The following FAM204A variants were observed in gnomAD, a reference collection of about 807,000 sequenced individuals.
The protein encoded by FAM204A is protein FAM204A.
Under a neutral mutation model 35.4 loss-of-function variants are expected in FAM204A, and 16 were observed. The ratio of observed to expected loss-of-function variants is 0.45; its 90% CI spans 0.31 to 0.69. FAM204A has a LOEUF of 0.69. Ranked by LOEUF, FAM204A falls within the 30% of genes least tolerant of loss-of-function variation. The pLI is 0.07. For missense variants in FAM204A, 240 were observed against 265.7 expected (o/e 0.90, Z 0.67); for synonymous variants, 76 against 86.9 (o/e 0.88, Z 0.70).
In FAM204A at chr10:118,335,207, C is replaced by A. The variant is rs565833159; in HGVS notation, c.360G>T (p.Pro120=). 6.2e-7 allele frequency: 1 copy of A among 1,612,318 alleles called. No individual in the cohort carries two copies. ...CTTTCCACTGGGTTTCATTTGAGGA[C>A]GGTTCACTAAAAGAAGATAGTAAGT... The part of the protein sequence containing the change: ...LKNEKELHSE[P]SSNETQWKEL... The change falls in exon 6 of 9, where the codon CCG becomes CCT. Residue 120 remains proline (P), a synonymous_variant. Transcript: ENST00000369183.
At chr10:118,324,196 A>C (rs1846162728) in intron 7 of FAM204A, among the ~76,000 whole-genome samples, 1 of 152,170 alleles carries the variant, frequency 6.6e-6, no homozygotes, top group South Asian at 2.1e-4. Flanking sequence ...GAGATGAAAC[A>C]GAGTAATAGT....
intron 7 of FAM204A, among the ~76,000 whole-genome samples, chr10:118,321,448 G>A (rs1342806088): frequency 6.6e-6 from 1 of 151,822 alleles, no homozygotes; most frequent in Admixed American, 6.6e-5. Context: ...ACTTACACAG[G>A]GCAAAGAACA....
chr10:118,319,100 G>C (rs1390743904), intron 7 of FAM204A, among the ~76,000 whole-genome samples: 1 of 151,910 alleles, frequency 6.6e-6, no homozygotes, highest in African/African-American at 2.4e-5. Context: ...CTGAATACTA[G>C]AGCAAGTGCT....
At chr10:118,329,977 A>G (rs1410349383) in intron 6 of FAM204A, among the ~76,000 whole-genome samples, 2 of 152,180 alleles carry the variant, frequency 1.3e-5, no homozygotes, top group African/African-American at 4.8e-5. Flanking sequence ...ATTTATATAT[A>G]CATCTATCCT....
intron 7 of FAM204A, chr10:118,322,187 A>G: frequency 4.1e-6 from 1 of 242,420 alleles, no homozygotes; most frequent in Middle Eastern, 4.7e-4. Context: ...AAACAGGGAA[A>G]ACATGAGAAA....
rs992422482 is a variant in FAM204A at position 118,304,165 on chromosome 10, G to C, written c.*6692C>G. On this transcript the variant is annotated 3_prime_UTR_variant, in exon 9 of 9. Coordinates refer to ENST00000369183, the MANE Select transcript of FAM204A (RefSeq NM_022063.3). ...CAGCTCAGCGGCATTTGTTCCTGTT[G>C]ACATGCCACCTTTCAAGACCTCTTT... The C allele has an allele frequency of 6.6e-6, 1 of 152,114 alleles. No homozygotes were observed. The highest frequency in any genetic ancestry group is 2.4e-5 in the African/African-American group (1 of 41,402). The allele number at this position is 152,114 out of a possible 1,614,324, so 9.4% of individuals were successfully genotyped here.
intron 6 of FAM204A, among the ~76,000 whole-genome samples, chr10:118,329,811 C>T (rs567212949): frequency 1.9e-4 from 29 of 152,100 alleles, no homozygotes; most frequent in Non-Finnish European, 2.9e-4. Flanking sequence ...TTCACACTGC[C>T]GTCATCCATG....
intron 2 of FAM204A, among the ~76,000 whole-genome samples, chr10:118,336,702 C>T (rs1846394519): frequency 6.6e-6 from 1 of 152,012 alleles, no homozygotes; most frequent in African/African-American, 2.4e-5. Flanking sequence ...AGCCTTGATT[C>T]TCTAATATAT....
At chr10:118,314,136 G>A (rs933118334) in intron 7 of FAM204A, among the ~76,000 whole-genome samples, 4 of 152,174 alleles carry the variant, frequency 2.6e-5, no homozygotes, top group African/African-American at 9.6e-5. Flanking sequence ...GTATTAATAA[G>A]CAGCCATTCA....
chr10:118,311,620 G>T, intron 7 of FAM204A: 1 of 232,212 alleles, frequency 4.3e-6, no homozygotes. Context: ...CATTGCAGTA[G>T]GCTGAACAGG....
In FAM204A at chr10:118,301,796, GGTACA is replaced by G. The variant is rs1444979311; in HGVS notation, c.*9056_*9060del. On this transcript the variant is annotated 3_prime_UTR_variant, in exon 9 of 9. Transcript: ENST00000369183. ...ATCTCCATTTCTCAGGAGAACCCAA[GGTACA>G]GAGAGATTAAGTAGCCTGCCGGAGG... 8 of 152,126 alleles carry G rather than the reference GGTACA, an allele frequency of 5.3e-5. No homozygotes were observed. 9.4% of individuals were successfully genotyped at this position (152,126 alleles called of 1,614,324 possible). A position where few individuals can be genotyped will look rare whatever the true frequency, so the allele number is the denominator to read the frequency against.
Position 118,302,599 on chromosome 10 carries a change from T to C in FAM204A, c.*8258A>G, listed in dbSNP as rs1431704619. ...TGTACATGGACTTTGGATTTTCTTT[T>C]TCTCTTTTTGAGCACTGCTGGCAAG... On this transcript the variant is annotated 3_prime_UTR_variant, in exon 9 of 9. Coordinates refer to ENST00000369183, the MANE Select transcript of FAM204A (RefSeq NM_022063.3). The C allele has an allele frequency of 6.6e-6, 1 of 152,236 alleles. No individual in the cohort carries two copies. The highest frequency in any genetic ancestry group is 1.5e-5 in the Non-Finnish European group (1 of 68,046). The allele number at this position is 152,236 out of a possible 1,614,324, so 9.4% of individuals were successfully genotyped here.
At chr10:118,331,276 G>A (rs944414943) in intron 6 of FAM204A, among the ~76,000 whole-genome samples, 1 of 152,086 alleles carries the variant, frequency 6.6e-6, no homozygotes, top group Non-Finnish European at 1.5e-5. Flanking sequence ...CTATAGGAGT[G>A]GCAGGAGGCA....
chr10:118,320,573 T>C (rs991689591), intron 7 of FAM204A, among the ~76,000 whole-genome samples: 5 of 151,502 alleles, frequency 3.3e-5, no homozygotes, highest in African/African-American at 1.2e-4. Flanking sequence ...CACACACACA[T>C]ATTTCAAATT....
chr10:118,331,446 C>T (rs953245810), intron 6 of FAM204A, among the ~76,000 whole-genome samples: 2 of 152,190 alleles, frequency 1.3e-5, no homozygotes, highest in East Asian at 1.9e-4. Flanking sequence ...ATCTAACCCA[C>T]GAGGCAACAA....
In FAM204A at chr10:118,309,605, T is replaced by C. The variant is rs703434; in HGVS notation, c.*1252A>G. On this transcript the variant is annotated 3_prime_UTR_variant, in exon 9 of 9. Transcript: ENST00000369183. ...TTCACCTGCTTGTTTTATGATTTTC[T>C]GGAGCCCCTTTCCTGTCAGAACCAG... 0.86 allele frequency: 131,238 copies of C among 152,064 alleles called. 57,477 individuals carry two copies. Among genetic ancestry groups the C allele is most frequent in the East Asian group, 0.99 (5,082 of 5,156 alleles). The allele number at this position is 152,064 out of a possible 1,614,324, so 9.4% of individuals were successfully genotyped here.
At chr10:118,334,452 A>G (rs1354988088) in intron 6 of FAM204A, among the ~76,000 whole-genome samples, 1 of 152,182 alleles carries the variant, frequency 6.6e-6, no homozygotes. Context: ...TTCTGGTTCA[A>G]TTCATCATCA....
chr10:118,321,622 T>C lies in FAM204A; in HGVS notation c.543+4532A>G, dbSNP rs182308093. On this transcript the variant is annotated intron_variant, in intron 7 of 8. Transcript: ENST00000369183. ...AAAATCTCATGTATTTCTGAAGCAATCTCATTTGTCAAAAAGTGTGACAGG... is the reference window on the plus strand; with the variant it reads ...AAAATCTCATGTATTTCTGAAGCAACCTCATTTGTCAAAAAGTGTGACAGG... Among the ~76,000 whole-genome samples the C allele has an allele frequency of 1.1e-4, 17 of 150,184 alleles. No homozygotes were observed. In the East Asian group the frequency reaches 2.6e-3, roughly 23 times the overall value.
rs545880839 is a variant in FAM204A, at chr10:118,327,567, A to G, written c.454-1324T>C. On this transcript the variant is annotated intron_variant, in intron 6 of 8. Transcript: ENST00000369183. ...GTCCTGTGATCATCTACCAGTCTCC[A>G]GAAACATCCCTTTCTTCCATTTCTG... Among the ~76,000 whole-genome samples, 3 of 152,298 alleles carry G rather than the reference A, an allele frequency of 2.0e-5. No individual in the cohort carries two copies. The East Asian group carries it at 5.8e-4, about 29-fold the overall frequency.
Sources: gnomAD v4.1 joint callset for allele counts (sites outside exome capture counted in the v4.1 genomes callset) on GRCh38, gnomAD v4.1.1 for gene constraint, MANE v1.5 for transcripts, NCBI Gene and HGNC (gene_info 2026-07-23, HGNC 2026-07-21) for gene names.